Variants in ZMPSTE24 observed in about 807,000 individuals in gnomAD.
ZMPSTE24 encodes the protein CAAX prenyl protease 1 homolog.
In ZMPSTE24, 48 loss-of-function variants were observed where a neutral mutation model predicts 56.7. The ratio of observed to expected loss-of-function variants is 0.85; its 90% CI spans 0.67 to 1.08. The LOEUF (loss-of-function observed/expected upper bound fraction) is 1.08. Ranked by LOEUF, ZMPSTE24 falls within the 50% of genes least tolerant of loss-of-function variation. The pLI, the probability that ZMPSTE24 is intolerant of heterozygous loss-of-function variation, is 0.00. For synonymous variants in ZMPSTE24, 172 were observed against 195.2 expected, an observed-to-expected ratio of 0.88 and a Z score of 0.99; for missense variants, 503 against 548.7, an observed-to-expected ratio of 0.92 and a Z score of 0.83.
At chr1:40,275,834 G>T (rs1023026332) in intron 6 of ZMPSTE24, among the ~76,000 whole-genome samples, 1 of 151,970 alleles carries the variant, frequency 6.6e-6, no homozygotes, top group Non-Finnish European at 1.5e-5. Context: ...TCAGAAAATG[G>T]GCTGTTACAT....
chr1:40,264,822 T>C (rs925331448), intron 2 of ZMPSTE24, among the ~76,000 whole-genome samples: 1 of 139,368 alleles, frequency 7.2e-6, no homozygotes, highest in Admixed American at 8.3e-5. Flanking sequence ...GAGGCTGCAG[T>C]GAGCTGTGAT....
intron 1 of ZMPSTE24, among the ~76,000 whole-genome samples, chr1:40,259,100 G>A (rs1349747063): frequency 6.6e-6 from 1 of 152,166 alleles, no homozygotes; most frequent in East Asian, 1.9e-4. Flanking sequence ...GGAGGTTGCA[G>A]TGAGCTGAGA....
intron 6 of ZMPSTE24, among the ~76,000 whole-genome samples, chr1:40,276,072 G>T (rs1238169501): frequency 6.6e-6 from 1 of 152,134 alleles, no homozygotes; most frequent in Non-Finnish European, 1.5e-5. Flanking sequence ...ACAAATATCT[G>T]GCCTTTTAGA....
chr1:40,278,303 C>G (rs2124587766), intron 6 of ZMPSTE24, among the ~76,000 whole-genome samples: 1 of 152,098 alleles, frequency 6.6e-6, no homozygotes, highest in South Asian at 2.1e-4. Context: ...AAAGATCAGA[C>G]AGCATATTAT....
chr1:40,269,868 A>T, intron 4 of ZMPSTE24, 107 bp from the exon 5 acceptor site: 2 of 1,326,892 alleles, frequency 1.5e-6, no homozygotes, highest in Non-Finnish European at 2.1e-6. Flanking sequence ...ACTGCATGTT[A>T]ATTTTAAAAA....
chr1:40,258,423 C>T, intron 1 of ZMPSTE24, 29 bp downstream of exon 1: 1 of 1,613,746 alleles, frequency 6.2e-7, no homozygotes, highest in African/African-American at 1.3e-5. Context: ...CAACCTGACC[C>T]CCATACCCGG....
At chr1:40,280,559 G>A (rs554166850) in intron 6 of ZMPSTE24, among the ~76,000 whole-genome samples, 1 of 152,068 alleles carries the variant, frequency 6.6e-6, no homozygotes, top group East Asian at 1.9e-4. Flanking sequence ...CGTGTAGCTG[G>A]GATGACAGGT....
At chr1:40,258,624 C>G (rs957937774) in intron 1 of ZMPSTE24, among the ~76,000 whole-genome samples, 2 of 152,158 alleles carry the variant, frequency 1.3e-5, no homozygotes, top group Non-Finnish European at 2.9e-5. Flanking sequence ...CCTTTAGGGC[C>G]TGGAGGAAGG....
intron 2 of ZMPSTE24, among the ~76,000 whole-genome samples, chr1:40,264,503 C>T (rs889684539): frequency 6.6e-6 from 1 of 152,016 alleles, no homozygotes; most frequent in African/African-American, 2.4e-5. Flanking sequence ...GTTAAAGTAA[C>T]CTTTCAGTTA....
At chr1:40,267,983 T>C (rs552355009) in intron 3 of ZMPSTE24, 111 bp downstream of exon 3, 43 of 921,172 alleles carry the variant, frequency 4.7e-5, no homozygotes, top group South Asian at 4.2e-4. Flanking sequence ...CCTCTCTGTT[T>C]GCATAGTCCT....
intron 8 of ZMPSTE24, among the ~76,000 whole-genome samples, chr1:40,289,091 T>C (rs1044407500): frequency 1.3e-5 from 2 of 152,350 alleles, no homozygotes; most frequent in South Asian, 4.1e-4. Context: ...AACTAATTGA[T>C]TATAGGGAAC....
chr1:40,266,890 C>T (rs1373826582), intron 2 of ZMPSTE24, among the ~76,000 whole-genome samples: 2 of 151,048 alleles, frequency 1.3e-5, no homozygotes, highest in Non-Finnish European at 2.9e-5. Context: ...ACCTCAGCTC[C>T]CCCGAGTAGC....
At chr1:40,282,362 A>G (rs1643739558) in intron 7 of ZMPSTE24, among the ~76,000 whole-genome samples, 1 of 152,196 alleles carries the variant, frequency 6.6e-6, no homozygotes, top group Non-Finnish European at 1.5e-5. Context: ...ATGATAAGAA[A>G]CAATACAAAC....
Position 40,271,957 on chromosome 1 carries a change from G to C in ZMPSTE24, c.691G>C (p.Glu231Gln). The C allele has an allele frequency of 6.2e-7, 1 of 1,613,700 alleles. No homozygotes were observed. Among genetic ancestry groups the C allele is most frequent in the Non-Finnish European group, 8.5e-7 (1 of 1,179,748 alleles). ...PLFDKFTPLPEGKLKEEIEVM... is the reference protein window; with the variant it reads ...PLFDKFTPLPQGKLKEEIEVM... ...ATTTGACAAATTCACACCTCTGCCTGAGGGAAAGCTTAAAGAAGAAATTGA... is the reference window on the plus strand; with the variant it reads ...ATTTGACAAATTCACACCTCTGCCTCAGGGAAAGCTTAAAGAAGAAATTGA... The change falls in exon 6 of 10, where the codon GAG becomes CAG. Residue 231 changes from glutamate to glutamine, a missense_variant. Coordinates refer to ENST00000372759, the MANE Select transcript of ZMPSTE24 (RefSeq NM_005857.5).
At chr1:40,260,791 T>A in intron 1 of ZMPSTE24, 48 bp from the exon 2 acceptor site, 10 of 1,580,856 alleles carry the variant, frequency 6.3e-6, no homozygotes, top group Non-Finnish European at 8.7e-6. Context: ...AAATGACTAT[T>A]GTAATAAACA....
At chr1:40,266,763 T>TTG (rs1190852513) in intron 2 of ZMPSTE24, among the ~76,000 whole-genome samples, 1 of 132,676 alleles carries the variant, frequency 7.5e-6, no homozygotes, top group African/African-American at 3.0e-5. Flanking sequence ...TCGAACAAGT[T>TTG]TTTTTTTTTT....
intron 2 of ZMPSTE24, among the ~76,000 whole-genome samples, chr1:40,264,575 T>G (rs1343240967): frequency 6.6e-6 from 1 of 152,042 alleles, no homozygotes; most frequent in East Asian, 1.9e-4. Context: ...CTGCCTGTTT[T>G]TCAAGACTGT....
chr1:40,261,494 T>C (rs1643496378), intron 2 of ZMPSTE24, among the ~76,000 whole-genome samples: 1 of 151,870 alleles, frequency 6.6e-6, no homozygotes, highest in South Asian at 2.1e-4. Context: ...GGACTACAGT[T>C]GCATGCCACC....
At chr1:40,275,494 G>A (rs1643660672) in intron 6 of ZMPSTE24, among the ~76,000 whole-genome samples, 1 of 151,800 alleles carries the variant, frequency 6.6e-6, no homozygotes, top group Non-Finnish European at 1.5e-5. Flanking sequence ...GCTCACGCCT[G>A]TAATCCCAGC....
Sources: allele counts gnomAD v4.1 joint callset (sites outside exome capture counted in the v4.1 genomes callset), GRCh38; gene constraint gnomAD v4.1.1; transcripts MANE v1.5; gene names NCBI Gene and HGNC (gene_info 2026-07-23, HGNC 2026-07-21).